GAGE10: variants seen among roughly 807,000 people sequenced by gnomAD.
GAGE10 encodes the protein G antigen 10.
In GAGE10, 9 loss-of-function variants were observed where a neutral mutation model predicts 11.5. The ratio of observed to expected loss-of-function variants is 0.78; its 90% CI spans 0.47 to 1.37. The LOEUF (loss-of-function observed/expected upper bound fraction) is 1.37, where lower values mean the gene tolerates loss of function less well. Ranked by LOEUF, GAGE10 falls within the 40% of genes most tolerant of loss-of-function variation. GAGE10 has a pLI of 0.00. For synonymous variants in GAGE10, 23 were observed against 29.7 expected (o/e 0.77, Z 0.73); for missense variants, 83 against 92.9 (o/e 0.89, Z 0.44).
rs1271658623 is a variant in GAGE10, at chrX:49,315,470, C to A, written c.203-1693C>A. Among the ~76,000 whole-genome samples, 3 of 111,725 alleles carry A rather than the reference C, an allele frequency of 2.7e-5. No individual in the cohort carries two copies. The Admixed American group carries it at 2.9e-4, about 11-fold the overall frequency. The stretch of plus-strand genomic sequence containing the variant: ...GGGATATCACACCACAATCTATATG[C>A]TCAACTGCGTCATAAGGTTGCAGGC... On this transcript the variant is annotated intron_variant, in intron 3 of 4. Transcript: ENST00000407599.
chrX:49,314,847 G>T (rs2066386124), intron 3 of GAGE10, among the ~76,000 whole-genome samples: 1 of 112,065 alleles, frequency 8.9e-6, no homozygotes, highest in Non-Finnish European at 1.9e-5. Context: ...AATGCCACAA[G>T]ATAACTTCAC....
Position 49,307,761 on chromosome X carries a change from G to C in GAGE10, c.202+2237G>C, listed in dbSNP as rs146524489. Among the ~76,000 whole-genome samples the C allele has an allele frequency of 5.3e-5, 6 of 112,464 alleles. No homozygotes were observed. The East Asian group carries it at 1.7e-3, about 31-fold the overall frequency. ...TCTGCCCACCTTGGCATCCCAAAATGTTTGGATTACAGTTGTGATGGAACA... is the reference window on the plus strand; with the variant it reads ...TCTGCCCACCTTGGCATCCCAAAATCTTTGGATTACAGTTGTGATGGAACA... On this transcript the variant is annotated intron_variant, in intron 3 of 4. Coordinates refer to ENST00000407599, the MANE Select transcript of GAGE10 (RefSeq NM_001098413.4).
At chrX:49,315,051 T>G (rs1431137114) in intron 3 of GAGE10, among the ~76,000 whole-genome samples, 1 of 111,751 alleles carries the variant, frequency 8.9e-6, no homozygotes, top group Non-Finnish European at 1.9e-5. Flanking sequence ...CCAGAATGAC[T>G]CCTACTTACC....
intron 3 of GAGE10, among the ~76,000 whole-genome samples, chrX:49,305,818 A>C (rs2869206): frequency 1.8e-5 from 2 of 111,254 alleles, no homozygotes; most frequent in Admixed American, 9.6e-5. Flanking sequence ...GTGAATACAA[A>C]ATTTGTATTT....
Position 49,317,373 on chromosome X carries a change from A to T in GAGE10, c.328+85A>T, listed in dbSNP as rs2066397110. 2.7e-6 allele frequency: 3 copies of T among 1,116,572 alleles called. No individual in the cohort carries two copies. The African/African-American group carries it at 5.5e-5, about 20-fold the overall frequency. The allele number at this position is 1,116,572 out of a possible 1,213,427, so 92.0% of individuals were successfully genotyped here. On this transcript the variant is annotated intron_variant, in intron 4 of 4. Coordinates refer to ENST00000407599, the MANE Select transcript of GAGE10 (RefSeq NM_001098413.4). ...AATTATTATTACATTTTTGAGATGG[A>T]GTCTTGCTCTGTCCACCAGGCTGGA...
rs139959382 is a variant in GAGE10 at position 49,317,256 on chromosome X, C to G, written c.296C>G (p.Pro99Arg). ...CCTGATGGCCAGGAGATGGGCCTGCCAAATCCAGAGGAGGTGAAAAGGCCT... is the reference window on the plus strand; with the variant it reads ...CCTGATGGCCAGGAGATGGGCCTGCGAAATCCAGAGGAGGTGAAAAGGCCT... ...DGPDGQEMGL[P>R]NPEEVKRPEE... The change falls in exon 4 of 5, where the codon CCA (proline) becomes CGA (arginine). Residue 99 changes from proline to arginine, a missense_variant. Physicochemically the swap from Pro to Arg is moderately radical, Grantham distance 103. Coordinates refer to ENST00000407599, the MANE Select transcript of GAGE10 (RefSeq NM_001098413.4). 1,958 of 1,205,729 alleles carry G rather than the reference C, an allele frequency of 1.6e-3. 4 individuals carry two copies. The highest frequency in any genetic ancestry group is 2.0e-3 in the Non-Finnish European group (1,815 of 892,725).
chrX:49,315,062 A>G (rs1472184430), intron 3 of GAGE10, among the ~76,000 whole-genome samples: 2 of 111,952 alleles, frequency 1.8e-5, no homozygotes, highest in African/African-American at 3.2e-5. Flanking sequence ...CCTACTTACC[A>G]GATCCAAACC....
At chrX:49,310,754 G>GCT (rs1557124646) in intron 3 of GAGE10, among the ~76,000 whole-genome samples, 1 of 107,438 alleles carries the variant, frequency 9.3e-6, no homozygotes, top group African/African-American at 3.5e-5. Flanking sequence ...CACCCGATTA[G>GCT]CCCCCCCCCA....
chrX:49,314,596 G>A (rs1363946941), intron 3 of GAGE10, among the ~76,000 whole-genome samples: 8 of 112,443 alleles, frequency 7.1e-5, no homozygotes, highest in African/African-American at 2.6e-4. Context: ...GCAGGCCTTG[G>A]AGTTCCACTA....
chrX:49,307,279 G>A lies in GAGE10; in HGVS notation c.202+1755G>A, dbSNP rs782209583. Among the ~76,000 whole-genome samples, 5 of 111,495 alleles carry A rather than the reference G, an allele frequency of 4.5e-5. No individual in the cohort carries two copies. The East Asian group carries it at 8.4e-4, about 19-fold the overall frequency. On this transcript the variant is annotated intron_variant, in intron 3 of 4. Coordinates refer to ENST00000407599, the MANE Select transcript of GAGE10 (RefSeq NM_001098413.4). ...ACTGTTATTAATGCTGAATTGTTTC[G>A]ATAAATTTTCAGGTGTTATGACCCT...
At chrX:49,317,142 T>C in intron 3 of GAGE10, 21 bp from the exon 4 acceptor site, 1 of 1,185,901 alleles carries the variant, frequency 8.4e-7, no homozygotes, top group Middle Eastern at 2.4e-4. Flanking sequence ...CTTAAATTGA[T>C]ATGTATTTTT....
chrX:49,308,574 A>T (rs2066365240), intron 3 of GAGE10, among the ~76,000 whole-genome samples: 1 of 112,373 alleles, frequency 8.9e-6, no homozygotes, highest in African/African-American at 3.2e-5. Context: ...CCGACCACTA[A>T]TCCAACCCAG....
intron 3 of GAGE10, among the ~76,000 whole-genome samples, chrX:49,306,703 G>T (rs782310085): frequency 8.9e-6 from 1 of 111,804 alleles, no homozygotes; most frequent in African/African-American, 3.3e-5. Context: ...TAGGAGAAAG[G>T]TCTCAAGCTG....
At chrX:49,310,845 A>G (rs1352173138) in intron 3 of GAGE10, among the ~76,000 whole-genome samples, 2 of 111,640 alleles carry the variant, frequency 1.8e-5, no homozygotes, top group Non-Finnish European at 3.8e-5. Context: ...ATGTATTATT[A>G]GGGGACAAGA....
chrX:49,314,543 G>T (rs1184507781), intron 3 of GAGE10, among the ~76,000 whole-genome samples: 4 of 112,495 alleles, frequency 3.6e-5, no homozygotes, highest in African/African-American at 1.3e-4. Context: ...TACCTTTCTC[G>T]TCTACAGGAC....
At chrX:49,311,462 T>A in intron 3 of GAGE10, among the ~76,000 whole-genome samples, 1 of 111,538 alleles carries the variant, frequency 9.0e-6, no homozygotes, top group Non-Finnish European at 1.9e-5. Flanking sequence ...GGAGGCTGTA[T>A]GTGCATTGCC....
chrX:49,304,113 A>G (rs2066346791), intron 1 of GAGE10, among the ~76,000 whole-genome samples: 1 of 111,761 alleles, frequency 8.9e-6, no homozygotes, highest in Admixed American at 9.4e-5. Context: ...AATACCCGAT[A>G]CAGGGGAGAT....
At chrX:49,317,093 A>G in intron 3 of GAGE10, 70 bp from the exon 4 acceptor site, 2 of 1,081,975 alleles carry the variant, frequency 1.8e-6, no homozygotes, top group Non-Finnish European at 2.5e-6. Context: ...CACCGAGAGC[A>G]TGAATATTAT....
chrX:49,305,194 T>C (rs1461318531), intron 2 of GAGE10, among the ~76,000 whole-genome samples: 11 of 111,481 alleles, frequency 9.9e-5, no homozygotes, highest in African/African-American at 2.9e-4. Flanking sequence ...ACACTGAGTA[T>C]AATAGCCTCC....
Sources: allele counts gnomAD v4.1 joint callset (sites outside exome capture counted in the v4.1 genomes callset), GRCh38; gene constraint gnomAD v4.1.1; transcripts MANE v1.5; gene names NCBI Gene and HGNC (gene_info 2026-07-23, HGNC 2026-07-21).